The following ABTB3 variants were observed in gnomAD, a reference collection of about 807,000 sequenced individuals.
ABTB3 encodes ankyrin repeat and BTB domain containing 3.
chr12:107,627,290 A>G, the ABTB3 span, among the ~76,000 whole-genome samples: 1 of 151,786 alleles, frequency 6.6e-6, no homozygotes, highest in Non-Finnish European at 1.5e-5. Context: ...CTTTTTCTCT[A>G]TGGTCAGGAC....
the ABTB3 span, among the ~76,000 whole-genome samples, chr12:107,509,783 G>A: frequency 1.3e-5 from 2 of 152,156 alleles, no homozygotes; most frequent in Non-Finnish European, 2.9e-5. Context: ...TCTTAAAAGG[G>A]GTTTCCAGGC....
chr12:107,581,849 C>A, the ABTB3 span, among the ~76,000 whole-genome samples: 1 of 152,316 alleles, frequency 6.6e-6, no homozygotes, highest in Non-Finnish European at 1.5e-5. Flanking sequence ...AATAAAAGAA[C>A]TCACTCAGGT....
the ABTB3 span, among the ~76,000 whole-genome samples, chr12:107,436,918 G>A: frequency 6.6e-6 from 1 of 152,098 alleles, no homozygotes; most frequent in African/African-American, 2.4e-5. Context: ...AGAGCCTGAT[G>A]AAAGCTATGG....
chr12:107,445,989 A>C, the ABTB3 span, among the ~76,000 whole-genome samples: 4 of 150,590 alleles, frequency 2.7e-5, no homozygotes, highest in African/African-American at 9.8e-5. Context: ...CATCTAGATA[A>C]TCCAGAATAA....
At chr12:107,399,039 A>G in the ABTB3 span, among the ~76,000 whole-genome samples, 1 of 152,214 alleles carries the variant, frequency 6.6e-6, no homozygotes, top group African/African-American at 2.4e-5. Flanking sequence ...CACATTGCCT[A>G]TGAAGTATAA....
chr12:107,594,080 C>A, the ABTB3 span, among the ~76,000 whole-genome samples: 2 of 152,218 alleles, frequency 1.3e-5, no homozygotes, highest in African/African-American at 4.8e-5. Flanking sequence ...AGAGGGGATG[C>A]ATTAAGGGCT....
chr12:107,644,416 T>A, the ABTB3 span, among the ~76,000 whole-genome samples: 3 of 152,104 alleles, frequency 2.0e-5, no homozygotes, highest in Non-Finnish European at 4.4e-5. Context: ...TTTTGCGGTC[T>A]CCCCCACCTT....
the ABTB3 span, among the ~76,000 whole-genome samples, chr12:107,491,103 G>C: frequency 3.3e-5 from 5 of 151,850 alleles, no homozygotes; most frequent in Non-Finnish European, 7.4e-5. Context: ...CTCTGTGGCT[G>C]AGGAATCAGC....
chr12:107,558,962 G>A, the ABTB3 span, among the ~76,000 whole-genome samples: 140 of 152,276 alleles, frequency 9.2e-4, no homozygotes, highest in African/African-American at 3.3e-3. Flanking sequence ...CCCCATGACT[G>A]CTCTGGCATT....
chr12:107,509,770 G>A, the ABTB3 span, among the ~76,000 whole-genome samples: 2 of 152,214 alleles, frequency 1.3e-5, no homozygotes, highest in South Asian at 4.1e-4. Flanking sequence ...CCACTGCCAA[G>A]TCTCTTAAAA....
At chr12:107,446,887 CT>C in the ABTB3 span, among the ~76,000 whole-genome samples, 2 of 152,154 alleles carry the variant, frequency 1.3e-5, no homozygotes, top group African/African-American at 4.8e-5. Flanking sequence ...ATAATTTCTG[CT>C]CTAGAGGGCT....
At chr12:107,336,302 T>C in the ABTB3 span, among the ~76,000 whole-genome samples, 1,470 of 152,340 alleles carry the variant, frequency 9.6e-3, 26 homozygotes, top group African/African-American at 0.033. Flanking sequence ...TTTGGGATAT[T>C]GTGACTTGTA....
chr12:107,645,864 G>C, the ABTB3 span, among the ~76,000 whole-genome samples: 1 of 152,204 alleles, frequency 6.6e-6, no homozygotes, highest in African/African-American at 2.4e-5. Flanking sequence ...TAATGGGAAG[G>C]GAAAATTTAA....
At chr12:107,533,439 A>T in the ABTB3 span, among the ~76,000 whole-genome samples, 1 of 152,242 alleles carries the variant, frequency 6.6e-6, no homozygotes, top group Non-Finnish European at 1.5e-5. Context: ...AAGATGTTCT[A>T]CACAAACAGA....
At chr12:107,378,182 G>T in the ABTB3 span, among the ~76,000 whole-genome samples, 1 of 152,150 alleles carries the variant, frequency 6.6e-6, no homozygotes, top group Non-Finnish European at 1.5e-5. Flanking sequence ...TCAACCTTGG[G>T]CATGTCCCTT....
the ABTB3 span, chr12:107,580,789 C>T: frequency 6.7e-7 from 1 of 1,492,960 alleles, no homozygotes; most frequent in Non-Finnish European, 9.0e-7. Context: ...CCGCTCCAGA[C>T]CCTGCGCTTG....
At chr12:107,605,612 G>A in the ABTB3 span, among the ~76,000 whole-genome samples, 1 of 152,252 alleles carries the variant, frequency 6.6e-6, no homozygotes, top group East Asian at 1.9e-4. Context: ...TGGAGAGCTG[G>A]ACTTTATCCC....
At chr12:107,492,142 G>T in the ABTB3 span, among the ~76,000 whole-genome samples, 16 of 152,136 alleles carry the variant, frequency 1.1e-4, no homozygotes, top group Admixed American at 1.0e-3. Flanking sequence ...CTTCCTCTGA[G>T]GAGACTTTAT....
the ABTB3 span, among the ~76,000 whole-genome samples, chr12:107,555,729 C>T: frequency 6.6e-6 from 1 of 152,186 alleles, no homozygotes; most frequent in Non-Finnish European, 1.5e-5. Flanking sequence ...TGCTTGACAG[C>T]TGCATGTGGC....
Sources: gnomAD v4.1 joint callset for allele counts (sites outside exome capture counted in the v4.1 genomes callset) on GRCh38, gnomAD v4.1.1 for gene constraint, MANE v1.5 for transcripts, NCBI Gene and HGNC (gene_info 2026-07-23, HGNC 2026-07-21) for gene names.